CENPP: variants seen among roughly 807,000 people sequenced by gnomAD.
The protein encoded by CENPP is centromere protein P.
A neutral mutation model predicts 35.6 loss-of-function variants in CENPP; 24 were observed. The observed-to-expected ratio is 0.67, with a 90% CI of 0.49 to 0.95. The LOEUF (loss-of-function observed/expected upper bound fraction) is 0.95, where lower values mean the gene tolerates loss of function less well. Among genes scored for constraint, CENPP ranks in the 40% least tolerant of loss-of-function variants. The pLI, the probability that CENPP is intolerant of heterozygous loss-of-function variation, is 0.00. For missense variants in CENPP, 332 were observed against 345.3 expected, an observed-to-expected ratio of 0.96 and a Z score of 0.31; for synonymous variants, 120 against 125.5, an observed-to-expected ratio of 0.96 and a Z score of 0.29.
chr9:92,424,564 A>C (rs897404876), intron 5 of CENPP: 1 of 152,238 alleles, frequency 6.6e-6, no homozygotes, highest in Non-Finnish European at 1.5e-5. Context: ...ATGAAACAGC[A>C]TGTACTGATT....
intron 5 of CENPP, among the ~76,000 whole-genome samples, chr9:92,584,418 G>A (rs1327743237): frequency 6.6e-6 from 1 of 152,120 alleles, no homozygotes; most frequent in East Asian, 1.9e-4. Flanking sequence ...GCACCATCAC[G>A]GCTCACTGCA....
At chr9:92,559,942 A>T (rs184539396) in intron 5 of CENPP, among the ~76,000 whole-genome samples, 1 of 152,336 alleles carries the variant, frequency 6.6e-6, no homozygotes, top group Admixed American at 6.5e-5. Context: ...AAGCACAAGG[A>T]TCGCTTGAGC....
In CENPP at chr9:92,413,389, C is replaced by G. The variant is rs144843654; in HGVS notation, c.564+33530C>G. Among the ~76,000 whole-genome samples, 27 of 152,282 alleles carry G rather than the reference C, an allele frequency of 1.8e-4. No homozygotes were observed. In the East Asian group the frequency reaches 5.0e-3, roughly 28 times the overall value. On this transcript the variant is annotated intron_variant, in intron 5 of 7. Coordinates refer to ENST00000375587, the MANE Select transcript of CENPP (RefSeq NM_001012267.3). ...TATGAAGGCTCCAATTTTTCCACAT[C>G]TTGCCAACACTTGTTATTTGTCTGC...
chr9:92,569,307 A>G (rs1162249662), intron 5 of CENPP, among the ~76,000 whole-genome samples: 3 of 152,214 alleles, frequency 2.0e-5, no homozygotes, highest in Non-Finnish European at 4.4e-5. Flanking sequence ...ATAGCTAGCC[A>G]GTTTTCCCAG....
intron 5 of CENPP, among the ~76,000 whole-genome samples, chr9:92,595,614 G>A (rs1336620506): frequency 1.3e-5 from 2 of 150,622 alleles, no homozygotes; most frequent in African/African-American, 4.9e-5. Flanking sequence ...CGCCCAGGCT[G>A]GAGTGCAGTG....
At chr9:92,431,453 A>AT (rs1331534174) in intron 5 of CENPP, among the ~76,000 whole-genome samples, 4 of 152,150 alleles carry the variant, frequency 2.6e-5, no homozygotes, top group African/African-American at 9.7e-5. Flanking sequence ...TTACATTGTG[A>AT]TTTTAACTTC....
intron 3 of CENPP, chr9:92,340,459 A>G (rs1041771153): frequency 2.0e-5 from 3 of 152,174 alleles, no homozygotes; most frequent in African/African-American, 7.2e-5. Context: ...GAAAGTATCA[A>G]ATAGTAATTT....
rs767092028 is a variant in CENPP, at chr9:92,416,571, C to A, written c.564+36712C>A. Reference sequence around the variant, plus strand: ...TTGAATATTTTTTTCTTTAAAAGATCAGGATTCCATTCTTTCTCTCTTCAA... The same window carrying A: ...TTGAATATTTTTTTCTTTAAAAGATAAGGATTCCATTCTTTCTCTCTTCAA... On this transcript the variant is annotated intron_variant, in intron 5 of 7. Transcript: ENST00000375587. 1.8e-5 allele frequency: 21 copies of A among 1,165,322 alleles called. No individual in the cohort carries two copies. In the African/African-American group the frequency reaches 2.6e-4, roughly 15 times the overall value. 72.2% of individuals were successfully genotyped at this position (1,165,322 alleles called of 1,614,324 possible).
intron 5 of CENPP, among the ~76,000 whole-genome samples, chr9:92,449,246 C>T (rs1484642564): frequency 2.6e-5 from 4 of 151,786 alleles, no homozygotes; most frequent in Non-Finnish European, 4.4e-5. Flanking sequence ...TCGAGACCAT[C>T]GTGGCTAACA....
chr9:92,354,215 T>C (rs1407356912), intron 4 of CENPP, among the ~76,000 whole-genome samples: 1 of 152,202 alleles, frequency 6.6e-6, no homozygotes, highest in Non-Finnish European at 1.5e-5. Flanking sequence ...AGTAAGTGTC[T>C]ATTCCAGTGA....
At chr9:92,356,919 CT>C (rs1253689417) in intron 4 of CENPP, among the ~76,000 whole-genome samples, 1 of 152,178 alleles carries the variant, frequency 6.6e-6, no homozygotes, top group Non-Finnish European at 1.5e-5. Flanking sequence ...AGTCCCCAGC[CT>C]TTTGAATTAT....
chr9:92,581,728 G>T (rs1296204793), intron 5 of CENPP, among the ~76,000 whole-genome samples: 1 of 152,218 alleles, frequency 6.6e-6, no homozygotes, highest in African/African-American at 2.4e-5. Flanking sequence ...ATCCAAGAAG[G>T]AAGGTTTGAG....
intron 5 of CENPP, chr9:92,466,468 T>G (rs1293640491): frequency 6.2e-7 from 1 of 1,608,992 alleles, no homozygotes; most frequent in Non-Finnish European, 8.5e-7. Flanking sequence ...AAGTGGTATT[T>G]CACTTAGTTG....
chr9:92,559,442 T>G (rs1293570406), intron 5 of CENPP, among the ~76,000 whole-genome samples: 1 of 152,168 alleles, frequency 6.6e-6, no homozygotes, highest in African/African-American at 2.4e-5. Flanking sequence ...CTTTCCCACT[T>G]CCGCAATTGG....
chr9:92,382,974 C>T (rs1001108237), intron 5 of CENPP, among the ~76,000 whole-genome samples: 1 of 140,774 alleles, frequency 7.1e-6, no homozygotes, highest in African/African-American at 2.6e-5. Flanking sequence ...TCTTGGCTCA[C>T]TGCAACCTCC....
chr9:92,342,567 G>A (rs112043635), intron 3 of CENPP, among the ~76,000 whole-genome samples: 1 of 152,032 alleles, frequency 6.6e-6, no homozygotes, highest in Non-Finnish European at 1.5e-5. Context: ...CTTTCTCTCT[G>A]AGCCTTTTAG....
At chr9:92,537,968 G>C (rs1849229177) in intron 5 of CENPP, among the ~76,000 whole-genome samples, 1 of 152,068 alleles carries the variant, frequency 6.6e-6, no homozygotes, top group Non-Finnish European at 1.5e-5. Flanking sequence ...GTTTTTTGGG[G>C]GAAAAAAATG....
intron 4 of CENPP, among the ~76,000 whole-genome samples, chr9:92,370,154 G>C (rs1841976032): frequency 6.6e-6 from 1 of 151,894 alleles, no homozygotes; most frequent in African/African-American, 2.4e-5. Flanking sequence ...TTGCATCCTT[G>C]GTATAAATTA....
At chr9:92,508,910 T>C (rs1847169855) in intron 5 of CENPP, among the ~76,000 whole-genome samples, 1 of 152,014 alleles carries the variant, frequency 6.6e-6, no homozygotes, top group African/African-American at 2.4e-5. Context: ...TGTTGAGCAC[T>C]GTACCTCAAG....
Sources: allele counts gnomAD v4.1 joint callset (sites outside exome capture counted in the v4.1 genomes callset), GRCh38; gene constraint gnomAD v4.1.1; transcripts MANE v1.5; gene names NCBI Gene and HGNC (gene_info 2026-07-23, HGNC 2026-07-21).